The following RBM47 variants were observed in gnomAD, a reference collection of about 807,000 sequenced individuals.
RBM47 encodes RNA-binding protein 47.
RBM47 carries 21 observed loss-of-function variants against 47.1 expected under a neutral mutation model. The ratio of observed to expected loss-of-function variants is 0.45; its 90% CI spans 0.32 to 0.64. The LOEUF (loss-of-function observed/expected upper bound fraction) is 0.64. Ranked by LOEUF, RBM47 falls within the 30% of genes least tolerant of loss-of-function variation. The pLI, the probability that RBM47 is intolerant of heterozygous loss-of-function variation, is 0.05. For missense variants in RBM47, 708 were observed against 870.9 expected (o/e 0.81, Z 2.35); for synonymous variants, 375 against 361.7 (o/e 1.04, Z -0.42).
chr4:40,569,016 T>TAGATAGAC (rs1472373539), intron 1 of RBM47, among the ~76,000 whole-genome samples: 124 of 98,886 alleles, frequency 1.3e-3, no homozygotes, highest in Middle Eastern at 5.7e-3. Flanking sequence ...GATAGATAGA[T>TAGATAGAC]AGACAGACAG....
In RBM47 at chr4:40,424,306, T is replaced by C. The variant is rs1714738605; in HGVS notation, c.*1598A>G. 1 of 152,640 alleles carries C rather than the reference T, an allele frequency of 6.6e-6. No homozygotes were observed. The highest frequency in any genetic ancestry group is 1.5e-5 in the Non-Finnish European group (1 of 68,024). The allele number at this position is 152,640 out of a possible 1,614,324, so 9.5% of individuals were successfully genotyped here. ...CTTATTGCACACCTCACTTCCTTGA[T>C]TGAGCCTTTAAAAAACAATTCCAAG... is the stretch of plus-strand genomic sequence containing the variant. On this transcript the variant is annotated 3_prime_UTR_variant, in exon 7 of 7. Transcript: ENST00000295971.
At chr4:40,538,615 G>A (rs1200634771) in intron 2 of RBM47, among the ~76,000 whole-genome samples, 1 of 150,596 alleles carries the variant, frequency 6.6e-6, no homozygotes, top group South Asian at 2.1e-4. Flanking sequence ...GTAAGCCATG[G>A]CGCCCAGGCT....
chr4:40,608,602 A>G (rs1438005105), intron 1 of RBM47, among the ~76,000 whole-genome samples: 1 of 152,214 alleles, frequency 6.6e-6, no homozygotes, highest in Non-Finnish European at 1.5e-5. Context: ...AGAGTGAAAC[A>G]AGCTTAGACT....
intron 2 of RBM47, among the ~76,000 whole-genome samples, chr4:40,530,784 G>A (rs1365430567): frequency 6.6e-6 from 1 of 151,996 alleles, no homozygotes; most frequent in East Asian, 1.9e-4. Context: ...TTTTTCCTTT[G>A]AACATGGGCA....
chr4:40,463,099 A>G lies in RBM47; in HGVS notation c.-32+3478T>C, dbSNP rs1267578082. Among the ~76,000 whole-genome samples the G allele has an allele frequency of 2.6e-5, 4 of 152,250 alleles. No individual in the cohort carries two copies. In the East Asian group the frequency reaches 7.7e-4, roughly 29 times the overall value. On this transcript the variant is annotated intron_variant, in intron 3 of 6. Coordinates refer to ENST00000295971, the MANE Select transcript of RBM47 (RefSeq NM_001098634.2). ...TATAAAGAACTACAACTCAATAACA[A>G]AAAGCAAACAAGCTAATTTAAAAAT...
intron 2 of RBM47, among the ~76,000 whole-genome samples, chr4:40,471,705 A>C (rs1718898957): frequency 6.6e-6 from 1 of 151,864 alleles, no homozygotes; most frequent in Admixed American, 6.6e-5. Flanking sequence ...AAAAAAAAAA[A>C]AAAGGAAGCG....
intron 1 of RBM47, among the ~76,000 whole-genome samples, chr4:40,576,598 C>T (rs1292605106): frequency 6.6e-6 from 1 of 152,034 alleles, no homozygotes; most frequent in Non-Finnish European, 1.5e-5. Context: ...GACAGGGTCT[C>T]ACTCTATCGC....
At chr4:40,539,015 A>G (rs1391421695) in intron 2 of RBM47, among the ~76,000 whole-genome samples, 3 of 152,160 alleles carry the variant, frequency 2.0e-5, no homozygotes, top group African/African-American at 7.2e-5. Context: ...TTATCTTTGT[A>G]TCCCTCACAC....
At chr4:40,489,909 C>G (rs1442828583) in intron 2 of RBM47, among the ~76,000 whole-genome samples, 1 of 152,094 alleles carries the variant, frequency 6.6e-6, no homozygotes, top group Non-Finnish European at 1.5e-5. Context: ...AAATACACAA[C>G]TAAATACTAA....
intron 2 of RBM47, among the ~76,000 whole-genome samples, chr4:40,479,178 A>T (rs1720045506): frequency 6.6e-6 from 1 of 152,240 alleles, no homozygotes; most frequent in Non-Finnish European, 1.5e-5. Context: ...CTTTCGGTTA[A>T]TTTGTCTATT....
rs1282800804 is a variant in RBM47, at chr4:40,447,592, C to A, written c.-31-8668G>T. Among the ~76,000 whole-genome samples, 3 of 152,206 alleles carry A rather than the reference C, an allele frequency of 2.0e-5. No homozygotes were observed. The South Asian group carries it at 6.2e-4, about 31-fold the overall frequency. Reference sequence around the variant, plus strand: ...TGAGTTTACTCTAGAATTAATAAGACTACCGGTCCGCTGCACTGGCTCAGG... The same window carrying A: ...TGAGTTTACTCTAGAATTAATAAGAATACCGGTCCGCTGCACTGGCTCAGG... On this transcript the variant is annotated intron_variant, in intron 3 of 6. Transcript: ENST00000295971.
chr4:40,531,986 A>C (rs1727432033), intron 2 of RBM47, among the ~76,000 whole-genome samples: 1 of 151,366 alleles, frequency 6.6e-6, no homozygotes, highest in East Asian at 1.9e-4. Context: ...GTTTTGCCAT[A>C]CATCAATCTC....
chr4:40,515,486 T>A (rs1455701800), intron 2 of RBM47, among the ~76,000 whole-genome samples: 1 of 152,116 alleles, frequency 6.6e-6, no homozygotes, highest in African/African-American at 2.4e-5. Context: ...GGTTGCAGAA[T>A]CACACCCACA....
chr4:40,434,623 C>T (rs889925529), intron 5 of RBM47, among the ~76,000 whole-genome samples: 2 of 31,410 alleles, frequency 6.4e-5, no homozygotes, highest in African/African-American at 1.1e-4. Context: ...TTTACTTTGC[C>T]CACAGTGCCA....
At chr4:40,513,931 C>T (rs763914601) in intron 2 of RBM47, among the ~76,000 whole-genome samples, 21 of 151,932 alleles carry the variant, frequency 1.4e-4, no homozygotes, top group Non-Finnish European at 2.6e-4. Flanking sequence ...GTTGGCCAGG[C>T]TCGTCTCGAA....
intron 6 of RBM47, among the ~76,000 whole-genome samples, chr4:40,428,089 A>G (rs1313053632): frequency 6.6e-6 from 1 of 152,144 alleles, no homozygotes; most frequent in Admixed American, 6.6e-5. Context: ...GCTACTCAAG[A>G]GGCTGAGGTG....
chr4:40,440,870 C>A (rs540810228), intron 3 of RBM47, among the ~76,000 whole-genome samples: 2 of 152,294 alleles, frequency 1.3e-5, no homozygotes, highest in Admixed American at 1.3e-4. Flanking sequence ...CAAGAAATGT[C>A]AGTTATTAAT....
chr4:40,490,773 A>C (rs1721767073), intron 2 of RBM47, among the ~76,000 whole-genome samples: 2 of 152,084 alleles, frequency 1.3e-5, no homozygotes, highest in South Asian at 4.1e-4. Context: ...AAAAAATCTA[A>C]ATAAATGGAA....
chr4:40,538,328 G>GTT (rs34309510), intron 2 of RBM47, among the ~76,000 whole-genome samples: 24,630 of 125,696 alleles, frequency 0.2, 3,361 homozygotes, highest in African/African-American at 0.33. Flanking sequence ...TATTGGTATT[G>GTT]TTTTTTTTTT....
Sources: gnomAD v4.1 joint callset for allele counts (sites outside exome capture counted in the v4.1 genomes callset) on GRCh38, gnomAD v4.1.1 for gene constraint, MANE v1.5 for transcripts, NCBI Gene and HGNC (gene_info 2026-07-23, HGNC 2026-07-21) for gene names.